The following KLHL4 variants were observed in gnomAD, a reference collection of about 807,000 sequenced individuals.
The protein encoded by KLHL4 is kelch-like protein 4.
Under a neutral mutation model 45.8 loss-of-function variants are expected in KLHL4, and 17 were observed. That is an observed-to-expected ratio of 0.37 (90% CI 0.25 to 0.56). KLHL4 has a LOEUF of 0.56. Ranked by LOEUF, KLHL4 falls within the 20% of genes least tolerant of loss-of-function variation. KLHL4 has a pLI of 0.79. For synonymous variants in KLHL4, 224 were observed against 189.9 expected (o/e 1.18, Z -1.47); for missense variants, 544 against 544.9 (o/e 1.00, Z 0.02).
intron 1 of KLHL4, among the ~76,000 whole-genome samples, chrX:87,520,234 C>T (rs1332722366): frequency 8.9e-6 from 1 of 112,377 alleles, no homozygotes; most frequent in Admixed American, 9.5e-5. Flanking sequence ...CTTTCTGATG[C>T]CTTGCTTCTC....
intron 1 of KLHL4, among the ~76,000 whole-genome samples, chrX:87,562,936 C>T (rs1212085128): frequency 1.8e-5 from 2 of 111,125 alleles, no homozygotes; most frequent in Non-Finnish European, 3.8e-5. Flanking sequence ...GCTTAATTTG[C>T]TTGGGAAAAA....
intron 1 of KLHL4, among the ~76,000 whole-genome samples, chrX:87,577,310 T>C: frequency 8.9e-6 from 1 of 112,328 alleles, no homozygotes. Flanking sequence ...TTTATTCTTA[T>C]TTTCACATAG....
At chrX:87,538,976 C>A (rs2147771659) in intron 1 of KLHL4, among the ~76,000 whole-genome samples, 1 of 111,502 alleles carries the variant, frequency 9.0e-6, no homozygotes, top group South Asian at 3.7e-4. Context: ...TAAAACTTTT[C>A]ATCATTTTTA....
chrX:87,603,095 C>A (rs1466964700), intron 1 of KLHL4, among the ~76,000 whole-genome samples: 1 of 111,548 alleles, frequency 9.0e-6, no homozygotes, highest in East Asian at 2.8e-4. Flanking sequence ...AGAAGGCAAA[C>A]TTCAGAAGAC....
At chrX:87,592,889 T>C (rs747088824) in intron 1 of KLHL4, among the ~76,000 whole-genome samples, 109 of 112,137 alleles carry the variant, frequency 9.7e-4, no homozygotes, top group Non-Finnish European at 1.7e-3. Flanking sequence ...TTTGATTGTT[T>C]CATTTGCTGT....
intron 1 of KLHL4, among the ~76,000 whole-genome samples, chrX:87,544,822 T>A (rs1931639314): frequency 9.0e-6 from 1 of 111,493 alleles, no homozygotes; most frequent in Non-Finnish European, 1.9e-5. Flanking sequence ...GGAAAGCATT[T>A]CCAAGAAGGA....
intron 9 of KLHL4, among the ~76,000 whole-genome samples, chrX:87,659,418 T>C (rs982085322): frequency 9.0e-6 from 1 of 110,855 alleles, no homozygotes; most frequent in Non-Finnish European, 1.9e-5. Context: ...ATGCCCGGCC[T>C]CATTTTTCTT....
At chrX:87,572,463 T>C (rs1932353117) in intron 1 of KLHL4, among the ~76,000 whole-genome samples, 1 of 110,967 alleles carries the variant, frequency 9.0e-6, no homozygotes, top group African/African-American at 3.3e-5. Context: ...CACATCCAAA[T>C]AGATATGAGA....
Position 87,602,037 on chromosome X carries a change from T to C in KLHL4, c.423-11840T>C, listed in dbSNP as rs1338241463. 3.6e-5 allele frequency among the ~76,000 whole-genome samples: 4 copies of C among 110,522 alleles called. No individual in the cohort carries two copies. The Admixed American group carries it at 3.8e-4, about 11-fold the overall frequency. On this transcript the variant is annotated intron_variant, in intron 1 of 10. Transcript: ENST00000373119. ...AAAAAAGTCTAAAAAGCAAAATTAA[T>C]AAATAAAATTAAAAATTATTAAAAA... is the stretch of plus-strand genomic sequence containing the variant.
At chrX:87,555,795 T>G (rs1931957413) in intron 1 of KLHL4, among the ~76,000 whole-genome samples, 2 of 109,547 alleles carry the variant, frequency 1.8e-5, no homozygotes, top group Non-Finnish European at 3.8e-5. Flanking sequence ...TTTCTAGTTC[T>G]TTTAATTGTG....
At chrX:87,557,455 T>C (rs1250962564) in intron 1 of KLHL4, among the ~76,000 whole-genome samples, 2 of 111,947 alleles carry the variant, frequency 1.8e-5, no homozygotes, top group Admixed American at 1.9e-4. Context: ...CAGTTTGTAA[T>C]CAATCTGCTC....
At chrX:87,525,733 A>G (rs1931097433) in intron 1 of KLHL4, among the ~76,000 whole-genome samples, 1 of 111,877 alleles carries the variant, frequency 8.9e-6, no homozygotes, top group Admixed American at 9.6e-5. Flanking sequence ...CTAAATCAAT[A>G]CATATATATT....
At chrX:87,601,941 G>A (rs1922029694) in intron 1 of KLHL4, among the ~76,000 whole-genome samples, 1 of 110,703 alleles carries the variant, frequency 9.0e-6, no homozygotes, top group African/African-American at 3.3e-5. Context: ...CTATTGTTTA[G>A]TGACATCTTA....
intron 1 of KLHL4, among the ~76,000 whole-genome samples, chrX:87,557,787 GT>G (rs1454203500): frequency 9.0e-6 from 1 of 110,765 alleles, no homozygotes; most frequent in Non-Finnish European, 1.9e-5. Context: ...GAAAATATTT[GT>G]TGGGTACATG....
At chrX:87,596,497 A>T (rs777058706) in intron 1 of KLHL4, among the ~76,000 whole-genome samples, 85 of 112,002 alleles carry the variant, frequency 7.6e-4, no homozygotes, top group African/African-American at 2.7e-3. Flanking sequence ...TATTATATGG[A>T]TGAATGAATT....
At chrX:87,544,140 A>G (rs1931623984) in intron 1 of KLHL4, among the ~76,000 whole-genome samples, 1 of 110,993 alleles carries the variant, frequency 9.0e-6, no homozygotes, top group African/African-American at 3.3e-5. Context: ...ACAAGCTGAC[A>G]TAAGAGACCT....
intron 1 of KLHL4, among the ~76,000 whole-genome samples, chrX:87,562,239 A>G (rs1415906844): frequency 9.1e-6 from 1 of 110,473 alleles, no homozygotes; most frequent in Non-Finnish European, 1.9e-5. Flanking sequence ...AAAGAGAGGG[A>G]AGAGTAAAAA....
chrX:87,568,397 T>C (rs907754631), intron 1 of KLHL4, among the ~76,000 whole-genome samples: 2 of 100,476 alleles, frequency 2.0e-5, no homozygotes, highest in Non-Finnish European at 4.0e-5. Flanking sequence ...TTTTCTTTTT[T>C]TTTTTTTTTT....
At chrX:87,645,325 A>G (rs1343583445) in intron 9 of KLHL4, among the ~76,000 whole-genome samples, 2 of 112,104 alleles carry the variant, frequency 1.8e-5, no homozygotes, top group African/African-American at 3.2e-5. Context: ...ATGATCAGGG[A>G]AATGCAAATC....
Sources: allele counts gnomAD v4.1 joint callset (sites outside exome capture counted in the v4.1 genomes callset), GRCh38; gene constraint gnomAD v4.1.1; transcripts MANE v1.5; gene names NCBI Gene and HGNC (gene_info 2026-07-23, HGNC 2026-07-21).